ZNF451: variants seen among roughly 807,000 people sequenced by gnomAD.
ZNF451 encodes E3 SUMO-protein ligase ZNF451.
ZNF451 carries 80 observed loss-of-function variants against 107.1 expected under a neutral mutation model. That is an observed-to-expected ratio of 0.75 (90% CI 0.62 to 0.90). The LOEUF (loss-of-function observed/expected upper bound fraction) is 0.90. ZNF451 is among the 40% of genes least tolerant of loss of function. The probability of loss-of-function intolerance (pLI) is 0.00; values close to 1 mark genes in which losing one functional copy is unlikely to be tolerated. For missense variants in ZNF451, 1,107 were observed against 1,236.2 expected (o/e 0.90, Z 1.57); for synonymous variants, 362 against 406.5 (o/e 0.89, Z 1.32).
intron 7 of ZNF451, among the ~76,000 whole-genome samples, chr6:57,139,122 A>C (rs1168465839): frequency 6.6e-6 from 1 of 152,128 alleles, no homozygotes; most frequent in Non-Finnish European, 1.5e-5. Flanking sequence ...TATCATTTAG[A>C]ATCTTCAAAT....
At chr6:57,111,023 G>T (rs1830081048) in intron 3 of ZNF451, among the ~76,000 whole-genome samples, 2 of 151,568 alleles carry the variant, frequency 1.3e-5, no homozygotes, top group African/African-American at 4.9e-5. Context: ...AGGTTCAAGC[G>T]ATTCTCCTGC....
At chr6:57,110,837 A>G (rs531339450) in intron 3 of ZNF451, among the ~76,000 whole-genome samples, 1 of 151,622 alleles carries the variant, frequency 6.6e-6, no homozygotes, top group East Asian at 1.9e-4. Context: ...AGCAGCTCCA[A>G]CACATTTTGT....
At chr6:57,104,944 A>G in intron 3 of ZNF451, 4 of 985,198 alleles carry the variant, frequency 4.1e-6, no homozygotes, top group Non-Finnish European at 4.8e-6. Flanking sequence ...GATCAGGAAG[A>G]GTTTTTAGTA....
chr6:57,152,484 C>A, intron 12 of ZNF451, 133 bp downstream of exon 12: 1 of 1,018,878 alleles, frequency 9.8e-7, no homozygotes, highest in Non-Finnish European at 1.4e-6. Context: ...ATTATGAAGG[C>A]AGGACCCCAT....
At chr6:57,106,121 G>A (rs1375326620) in intron 3 of ZNF451, 1 of 985,216 alleles carries the variant, frequency 1.0e-6, no homozygotes, top group Non-Finnish European at 1.2e-6. Flanking sequence ...CTCAGGTACT[G>A]TAAACAAGGA....
chr6:57,097,289 G>T (rs570613765), intron 2 of ZNF451, among the ~76,000 whole-genome samples: 1 of 152,264 alleles, frequency 6.6e-6, no homozygotes, highest in African/African-American at 2.4e-5. Context: ...TTTCTTGGTT[G>T]AGCAGAAGTC....
Position 57,163,626 on chromosome 6 carries a change from A to G in ZNF451, c.3139+2474A>G, listed in dbSNP as rs867556433. ...CCACCACGCCCGGCTAATTTTTTGT[A>G]TTTTTAGTAGAGACGGGGTTTCACC... is the stretch of plus-strand genomic sequence containing the variant. On this transcript the variant is annotated intron_variant, in intron 14 of 14. Coordinates refer to ENST00000370706, the MANE Select transcript of ZNF451 (RefSeq NM_001031623.3). 3.7e-4 allele frequency among the ~76,000 whole-genome samples: 55 copies of G among 149,022 alleles called. No homozygotes were observed. In the Middle Eastern group the frequency reaches 0.01, roughly 28 times the overall value.
intron 3 of ZNF451, among the ~76,000 whole-genome samples, chr6:57,113,584 TA>T (rs1327549091): frequency 6.6e-6 from 1 of 151,900 alleles, no homozygotes; most frequent in East Asian, 1.9e-4. Flanking sequence ...TTAATATTTG[TA>T]AAAAATATAC....
Position 57,170,036 on chromosome 6 carries a change from TTGTGG to T in ZNF451, c.*1572_*1576del, listed in dbSNP as rs71813980. 17,778 of 152,092 alleles carry T rather than the reference TTGTGG, an allele frequency of 0.12. 1,247 individuals carry two copies. The highest frequency in any genetic ancestry group is 0.19 in the African/African-American group (7,812 of 41,462). 9.4% of individuals were successfully genotyped at this position (152,092 alleles called of 1,614,324 possible). On this transcript the variant is annotated 3_prime_UTR_variant, in exon 15 of 15. Transcript: ENST00000370706. ...ACACTGATGCTCTATTAAGAAGCTT[TTGTGG>T]TGTGTGTGGTAGAGAATAATTAAGG...
chr6:57,151,715 C>T (rs573629792), intron 11 of ZNF451: 27 of 152,560 alleles, frequency 1.8e-4, no homozygotes, highest in Admixed American at 1.1e-3. Flanking sequence ...GTTGACCAAA[C>T]TTGGGGGAGA....
intron 9 of ZNF451, 100 bp downstream of exon 9, chr6:57,142,195 A>G (rs749205543): frequency 1.1e-4 from 147 of 1,383,262 alleles, no homozygotes; most frequent in Non-Finnish European, 1.4e-4. Context: ...TCCTTTTAAA[A>G]TGAGAATATA....
chr6:57,150,413 C>A, intron 10 of ZNF451: 1 of 207,310 alleles, frequency 4.8e-6, no homozygotes, highest in Non-Finnish European at 9.5e-6. Context: ...TCTTCTAGTA[C>A]ATTAATTTTT....
intron 5 of ZNF451, among the ~76,000 whole-genome samples, chr6:57,131,859 G>A (rs747737666): frequency 1.3e-5 from 2 of 152,212 alleles, no homozygotes; most frequent in Non-Finnish European, 2.9e-5. Flanking sequence ...CAAACTGTCT[G>A]TGAATCAGAA....
At chr6:57,115,519 A>G (rs889206082) in intron 3 of ZNF451, 9 of 152,332 alleles carry the variant, frequency 5.9e-5, no homozygotes, top group Admixed American at 2.0e-4. Flanking sequence ...CAATATGGCT[A>G]TCATTTCTAG....
At chr6:57,168,399 A>G (rs774172954) in intron 14 of ZNF451, 24 bp from the exon 15 acceptor site, 11 of 1,574,042 alleles carry the variant, frequency 7.0e-6, no homozygotes, top group Non-Finnish European at 9.6e-6. Flanking sequence ...CCTAAGTGTT[A>G]AAATTCTATG....
intron 3 of ZNF451, chr6:57,114,875 C>A (rs1830291059): frequency 6.6e-6 from 1 of 152,088 alleles, no homozygotes; most frequent in Admixed American, 6.5e-5. Context: ...AAAAACCCTC[C>A]AGACAGAAAT....
intron 5 of ZNF451, 143 bp downstream of exon 5, chr6:57,128,983 T>G: frequency 3.5e-6 from 2 of 563,978 alleles, no homozygotes; most frequent in Non-Finnish European, 6.1e-6. Flanking sequence ...CATAATGGCC[T>G]ACTTTATAAT....
intron 3 of ZNF451, among the ~76,000 whole-genome samples, chr6:57,111,633 G>T (rs897640160): frequency 2.6e-5 from 4 of 151,946 alleles, no homozygotes; most frequent in Admixed American, 1.3e-4. Flanking sequence ...CACCTGCCTC[G>T]GCCTCCCAAA....
intron 9 of ZNF451, among the ~76,000 whole-genome samples, chr6:57,144,232 TC>T (rs1831937345): frequency 6.9e-6 from 1 of 145,156 alleles, no homozygotes; most frequent in African/African-American, 2.6e-5. Context: ...ATGAATTATA[TC>T]CTTTTTTTTT....
Sources: gnomAD v4.1 joint callset for allele counts (sites outside exome capture counted in the v4.1 genomes callset) on GRCh38, gnomAD v4.1.1 for gene constraint, MANE v1.5 for transcripts, NCBI Gene and HGNC (gene_info 2026-07-23, HGNC 2026-07-21) for gene names.